ERC2: variants seen among roughly 807,000 people sequenced by gnomAD.
ERC2 encodes the protein ELKS/RAB6-interacting/CAST family member 2.
In ERC2, 42 loss-of-function variants were observed where a neutral mutation model predicts 114.8. The ratio of observed to expected loss-of-function variants is 0.37; its 90% confidence interval spans 0.29 to 0.47. The LOEUF (loss-of-function observed/expected upper bound fraction) is 0.47, where lower values mean the gene tolerates loss of function less well. Ranked by LOEUF, ERC2 falls within the 20% of genes least tolerant of loss-of-function variation. The pLI, the probability that ERC2 is intolerant of heterozygous loss-of-function variation, is 0.99. For missense variants in ERC2, 939 were observed against 1,150.7 expected (o/e 0.82, Z 2.66); for synonymous variants, 454 against 425.5 (o/e 1.07, Z -0.82).
At chr3:55,811,570 C>A (rs1287214276) in intron 14 of ERC2, among the ~76,000 whole-genome samples, 1 of 152,168 alleles carries the variant, frequency 6.6e-6, no homozygotes, top group African/African-American at 2.4e-5. Context: ...GGAGTTCTGC[C>A]AAAACTGAGC....
intron 17 of ERC2, among the ~76,000 whole-genome samples, chr3:55,652,186 T>G (rs111822472): frequency 0.013 from 1,915 of 152,316 alleles, 48 homozygotes; most frequent in African/African-American, 0.044. Flanking sequence ...AAAAAATAGC[T>G]GCTCGTTGTA....
chr3:55,897,973 A>T (rs1001541036), intron 13 of ERC2, among the ~76,000 whole-genome samples: 1 of 152,202 alleles, frequency 6.6e-6, no homozygotes, highest in African/African-American at 2.4e-5. Flanking sequence ...CTGCAAACAA[A>T]TGCCCACATT....
At position 56,325,090 on chromosome 3, in the gene ERC2, G is replaced by C. The variant is rs138019702; in HGVS notation, c.658-28655C>G. 1.2e-3 allele frequency among the ~76,000 whole-genome samples: 176 copies of C among 151,800 alleles called. No homozygotes were observed. In the East Asian group the frequency reaches 0.027, roughly 23 times the overall value. On this transcript the variant is annotated intron_variant, in intron 2 of 17. Coordinates refer to ENST00000288221, the MANE Select transcript of ERC2 (RefSeq NM_015576.3). ...CATGATCTATCTACCTTTAATTTGT[G>C]TGTCTATCTTCCAACTCTAACATGG... is the stretch of plus-strand genomic sequence containing the variant.
intron 14 of ERC2, among the ~76,000 whole-genome samples, chr3:55,771,924 T>C (rs1265907822): frequency 6.6e-6 from 1 of 152,190 alleles, no homozygotes; most frequent in Non-Finnish European, 1.5e-5. Flanking sequence ...AGTTGTAACC[T>C]TCACAAACAA....
chr3:56,042,774 C>T (rs1156609104), intron 7 of ERC2, among the ~76,000 whole-genome samples: 1 of 152,076 alleles, frequency 6.6e-6, no homozygotes, highest in East Asian at 1.9e-4. Flanking sequence ...TTATACAATT[C>T]ATTTTCTCTT....
chr3:56,049,993 T>C (rs921990581), intron 7 of ERC2, among the ~76,000 whole-genome samples: 2 of 152,104 alleles, frequency 1.3e-5, no homozygotes, highest in African/African-American at 2.4e-5. Context: ...TCCATTTATA[T>C]GACACTGTAC....
intron 3 of ERC2, among the ~76,000 whole-genome samples, chr3:56,263,127 G>C (rs2053053172): frequency 1.3e-5 from 2 of 152,212 alleles, no homozygotes; most frequent in Middle Eastern, 3.4e-3. Context: ...AGTAACTTAA[G>C]TTCAAAGTGT....
In ERC2 at chr3:56,434,985, A is replaced by G. The variant is rs1224272696; in HGVS notation, c.23T>C (p.Ile8Thr). Residue 8 changes from isoleucine to threonine, a missense_variant, in exon 2 of 18, where the codon ATC (isoleucine) becomes ACC (threonine). Coordinates refer to ENST00000288221, the MANE Select transcript of ERC2 (RefSeq NM_015576.3). MYGSARTITNLEGSPSRS... is the reference protein window; with the variant it reads MYGSARTTTNLEGSPSRS... Reference sequence around the variant, plus strand: ...GGAAGGGCTACCTTCCAGATTGGTGATTGTTCTTGCACTTCCATACATTTT... The same window carrying G: ...GGAAGGGCTACCTTCCAGATTGGTGGTTGTTCTTGCACTTCCATACATTTT... 1 of 1,610,976 alleles carries G rather than the reference A, an allele frequency of 6.2e-7. No homozygotes were observed. The highest frequency in any genetic ancestry group is 1.3e-5 in the African/African-American group (1 of 74,846).
chr3:56,461,974 G>A (rs1172037141), intron 1 of ERC2, among the ~76,000 whole-genome samples: 3 of 152,154 alleles, frequency 2.0e-5, no homozygotes, highest in Non-Finnish European at 4.4e-5. Context: ...TACCCCTCAA[G>A]GAAGGTCTAG....
intron 14 of ERC2, among the ~76,000 whole-genome samples, chr3:55,859,058 C>T (rs1481946519): frequency 1.3e-5 from 2 of 152,166 alleles, no homozygotes; most frequent in African/African-American, 4.8e-5. Flanking sequence ...TTGGACATGG[C>T]CATGTACTTC....
intron 7 of ERC2, among the ~76,000 whole-genome samples, chr3:56,038,199 T>C (rs149727268): frequency 8.7e-4 from 133 of 152,228 alleles, no homozygotes; most frequent in African/African-American, 3.1e-3. Context: ...AAAGGTCTAA[T>C]ATCCACAATC....
chr3:56,431,483 G>A (rs1278964735), intron 2 of ERC2, among the ~76,000 whole-genome samples: 2 of 152,162 alleles, frequency 1.3e-5, no homozygotes, highest in Non-Finnish European at 2.9e-5. Context: ...TCACTGCATG[G>A]AAAAGACCCG....
rs1008299331 is a variant in ERC2, at chr3:55,967,120, G to A, written c.2268-16560C>T. Reference sequence around the variant, plus strand: ...TTCTTCATACAGCATCTAAGGAAACGTTATCAGTGAATAGCTGAGATTTGA... The same window carrying A: ...TTCTTCATACAGCATCTAAGGAAACATTATCAGTGAATAGCTGAGATTTGA... On this transcript the variant is annotated intron_variant, in intron 12 of 17. Transcript: ENST00000288221. 2.6e-5 allele frequency among the ~76,000 whole-genome samples: 4 copies of A among 152,168 alleles called. No individual in the cohort carries two copies. The South Asian group carries it at 6.2e-4, about 24-fold the overall frequency.
intron 17 of ERC2, among the ~76,000 whole-genome samples, chr3:55,637,098 C>G (rs1188919088): frequency 6.6e-6 from 1 of 152,176 alleles, no homozygotes; most frequent in Non-Finnish European, 1.5e-5. Context: ...GCCTGTTGCA[C>G]CCAGTTCCTC....
At chr3:55,642,143 T>C (rs1575895836) in intron 17 of ERC2, among the ~76,000 whole-genome samples, 1 of 152,118 alleles carries the variant, frequency 6.6e-6, no homozygotes, top group East Asian at 1.9e-4. Context: ...GAGTTGGGGA[T>C]TGTAAGTAAT....
chr3:56,156,215 G>A (rs758349130), intron 4 of ERC2, among the ~76,000 whole-genome samples: 13 of 152,188 alleles, frequency 8.5e-5, no homozygotes, highest in Non-Finnish European at 1.3e-4. Context: ...GGAAATTATG[G>A]AAAAGTCCTA....
intron 3 of ERC2, among the ~76,000 whole-genome samples, chr3:56,227,810 A>G (rs1029863547): frequency 1.3e-5 from 2 of 152,226 alleles, no homozygotes; most frequent in Admixed American, 6.5e-5. Flanking sequence ...ATGTCCACCA[A>G]AAGATACGCA....
At position 55,984,490 on chromosome 3, in the gene ERC2, C is replaced by T. The variant is rs1576455044; in HGVS notation, c.2267+1487G>A. On this transcript the variant is annotated intron_variant, in intron 12 of 17. Coordinates refer to ENST00000288221, the MANE Select transcript of ERC2 (RefSeq NM_015576.3). ...GAAGGCAAAAGGAGGGGGATACAGG[C>T]AGGCAAGGAGAAAAGCTTGAAGCTT... Among the ~76,000 whole-genome samples, 5 of 152,188 alleles carry T rather than the reference C, an allele frequency of 3.3e-5. No homozygotes were observed. The South Asian group carries it at 1.0e-3, about 32-fold the overall frequency.
intron 14 of ERC2, among the ~76,000 whole-genome samples, chr3:55,848,611 A>G (rs534989399): frequency 2.6e-5 from 4 of 152,276 alleles, no homozygotes; most frequent in African/African-American, 9.6e-5. Flanking sequence ...GCTTGCTCCG[A>G]GGATGACTCA....
Sources: allele counts gnomAD v4.1 joint callset (sites outside exome capture counted in the v4.1 genomes callset), GRCh38; gene constraint gnomAD v4.1.1; transcripts MANE v1.5; gene names NCBI Gene and HGNC (gene_info 2026-07-23, HGNC 2026-07-21).